The following NMNAT3 variants were observed in gnomAD, a reference collection of about 807,000 sequenced individuals.
NMNAT3 encodes the protein nicotinamide/nicotinic acid mononucleotide adenylyltransferase 3.
Under a neutral mutation model 24.8 loss-of-function variants are expected in NMNAT3, and 21 were observed. The ratio of observed to expected loss-of-function variants is 0.85; its 90% CI spans 0.60 to 1.22. The LOEUF is 1.22. Among genes scored for constraint, NMNAT3 ranks in the 50% most tolerant of loss-of-function variants. The pLI, the probability that NMNAT3 is intolerant of heterozygous loss-of-function variation, is 0.00. For missense variants in NMNAT3, 387 were observed against 436.6 expected (o/e 0.89, Z 1.01); for synonymous variants, 136 against 155.2 (o/e 0.88, Z 0.92).
intron 3 of NMNAT3, among the ~76,000 whole-genome samples, chr3:139,588,439 G>A (rs1230968452): frequency 2.6e-5 from 4 of 152,086 alleles, no homozygotes; most frequent in Non-Finnish European, 5.9e-5. Context: ...AAATCATAAG[G>A]GCAAAGAGAG....
intron 6 of NMNAT3, among the ~76,000 whole-genome samples, chr3:139,573,202 AT>A (rs1214104243): frequency 6.6e-6 from 1 of 152,214 alleles, no homozygotes; most frequent in African/African-American, 2.4e-5. Context: ...TCTGCTATAA[AT>A]AAAGTCTTAG....
intron 1 of NMNAT3, among the ~76,000 whole-genome samples, chr3:139,665,214 G>A (rs2057538762): frequency 6.6e-6 from 1 of 152,196 alleles, no homozygotes; most frequent in African/African-American, 2.4e-5. Flanking sequence ...GGTAGAACCA[G>A]ATTCCAGTTT....
intron 3 of NMNAT3, among the ~76,000 whole-genome samples, chr3:139,586,008 T>G (rs1015360789): frequency 6.6e-6 from 1 of 152,234 alleles, no homozygotes; most frequent in Non-Finnish European, 1.5e-5. Context: ...TTCTGGCAAG[T>G]GCTCAACAGG....
At chr3:139,613,145 A>C (rs1423902399) in intron 3 of NMNAT3, among the ~76,000 whole-genome samples, 1 of 152,222 alleles carries the variant, frequency 6.6e-6, no homozygotes, top group Non-Finnish European at 1.5e-5. Context: ...GGATCTAATT[A>C]AACTAAAGAG....
rs145198692 is a variant in NMNAT3 at position 139,615,417 on chromosome 3, T to TTCTATCTATCTATCTATCTATCTA, written c.109+12175_109+12198dup. ...ATCTATATAAATATCCACACACATT[T>TTCTATCTATCTATCTATCTATCTA]TCTATCTATCTATCTATCTATCTAT... On this transcript the variant is annotated intron_variant, in intron 3 of 6. Transcript: ENST00000643695. Among the ~76,000 whole-genome samples, 319 of 140,226 alleles carry TTCTATCTATCTATCTATCTATCTA rather than the reference T, an allele frequency of 2.3e-3. 2 individuals carry two copies. Among genetic ancestry groups the TTCTATCTATCTATCTATCTATCTA allele is most frequent in the East Asian group, 6.3e-3 (29 of 4,638 alleles). 92.0% of individuals were successfully genotyped at this position (140,226 alleles called of 152,430 possible). A position where few individuals can be genotyped will look rare whatever the true frequency, so the allele number is the denominator to read the frequency against.
chr3:139,650,383 C>G (rs1005220789), intron 1 of NMNAT3, among the ~76,000 whole-genome samples: 2 of 152,184 alleles, frequency 1.3e-5, no homozygotes, highest in Non-Finnish European at 2.9e-5. Flanking sequence ...AGGGAATGCT[C>G]TATCTGGAAG....
intron 6 of NMNAT3, chr3:139,571,249 C>G (rs1037173099): frequency 6.6e-6 from 1 of 152,282 alleles, no homozygotes; most frequent in East Asian, 1.9e-4. Context: ...CCGTCTGTCA[C>G]TGCTTTCTTT....
chr3:139,592,372 G>T (rs1481287856), intron 3 of NMNAT3, among the ~76,000 whole-genome samples: 1 of 152,174 alleles, frequency 6.6e-6, no homozygotes, highest in Non-Finnish European at 1.5e-5. Context: ...CGGGGAGAAT[G>T]GAACCAAGTT....
intron 3 of NMNAT3, among the ~76,000 whole-genome samples, chr3:139,595,380 T>G (rs1042899548): frequency 2.0e-5 from 3 of 151,980 alleles, no homozygotes; most frequent in Non-Finnish European, 2.9e-5. Context: ...AAAATGGCCA[T>G]ACTGCCCAAG....
At chr3:139,615,463 CCA>C (rs1559912938) in intron 3 of NMNAT3, among the ~76,000 whole-genome samples, 3 of 146,980 alleles carry the variant, frequency 2.0e-5, no homozygotes, top group Admixed American at 1.4e-4. Context: ...ATCTATCTAT[CCA>C]TCCACCCACC....
intron 3 of NMNAT3, among the ~76,000 whole-genome samples, chr3:139,612,752 TCCAAAACAGCATGGTACTGGTA>T (rs1195009152): frequency 6.6e-6 from 1 of 152,040 alleles, no homozygotes; most frequent in Non-Finnish European, 1.5e-5. Flanking sequence ...TTAAAGACTT[TCCAAAACAGCATGGTACTGGTA>T]CCAAAACAGA....
chr3:139,591,873 A>G (rs1337946615), intron 3 of NMNAT3, among the ~76,000 whole-genome samples: 1 of 152,250 alleles, frequency 6.6e-6, no homozygotes, highest in East Asian at 1.9e-4. Context: ...TGGGGAAAAA[A>G]CAGAGCAGAA....
intron 3 of NMNAT3, among the ~76,000 whole-genome samples, chr3:139,622,794 A>C (rs1268405762): frequency 7.0e-6 from 1 of 142,882 alleles, no homozygotes; most frequent in East Asian, 2.0e-4. Context: ...TATATATGAT[A>C]TATATGATAT....
At chr3:139,591,545 A>G (rs1282308883) in intron 3 of NMNAT3, among the ~76,000 whole-genome samples, 4 of 152,162 alleles carry the variant, frequency 2.6e-5, no homozygotes, top group Non-Finnish European at 4.4e-5. Context: ...GACAGCAGTA[A>G]CCTCTGCAGA....
chr3:139,572,863 C>T (rs1183334324), intron 6 of NMNAT3, among the ~76,000 whole-genome samples: 1 of 152,182 alleles, frequency 6.6e-6, no homozygotes, highest in Non-Finnish European at 1.5e-5. Context: ...CCCCAGCATT[C>T]CTAAACTCTT....
intron 3 of NMNAT3, among the ~76,000 whole-genome samples, chr3:139,604,670 A>G (rs2054860918): frequency 6.6e-6 from 1 of 152,220 alleles, no homozygotes. Context: ...CCAACACTCT[A>G]CATTTTAACA....
intron 6 of NMNAT3, among the ~76,000 whole-genome samples, chr3:139,573,044 T>C (rs1938657902): frequency 6.6e-6 from 1 of 152,182 alleles, no homozygotes; most frequent in Non-Finnish European, 1.5e-5. Flanking sequence ...TACTGTGAAA[T>C]CACAGCCAAC....
intron 1 of NMNAT3, among the ~76,000 whole-genome samples, chr3:139,657,983 C>T (rs1241882840): frequency 6.6e-6 from 1 of 151,962 alleles, no homozygotes; most frequent in Non-Finnish European, 1.5e-5. Flanking sequence ...CTGCCCAATC[C>T]CCAAAATGGT....
At chr3:139,583,608 A>G (rs2053773473) in intron 3 of NMNAT3, 1 of 880,362 alleles carries the variant, frequency 1.1e-6, no homozygotes, top group South Asian at 1.3e-5. Context: ...CATTCAAACA[A>G]AAGTTTAACA....
Sources: allele counts gnomAD v4.1 joint callset (sites outside exome capture counted in the v4.1 genomes callset), GRCh38; gene constraint gnomAD v4.1.1; transcripts MANE v1.5; gene names NCBI Gene and HGNC (gene_info 2026-07-23, HGNC 2026-07-21).